TANC2: variants seen among roughly 807,000 people sequenced by gnomAD.
The protein encoded by TANC2 is tetratricopeptide repeat, ankyrin repeat and coiled-coil containing 2, also known as protein TANC2.
Under a neutral mutation model 210.5 loss-of-function variants are expected in TANC2, and 26 were observed. That is an observed-to-expected ratio of 0.12 (90% CI 0.09 to 0.17). TANC2 has a LOEUF of 0.17. TANC2 is among the 10% of genes least tolerant of loss of function. The pLI is 1.00. For synonymous variants in TANC2, 931 were observed against 967.1 expected (o/e 0.96, Z 0.69); for missense variants, 2,129 against 2,608.9 (o/e 0.82, Z 4.01).
rs189389781 is a variant in TANC2, at chr17:63,176,527, C to T, written c.434-17464C>T. Among the ~76,000 whole-genome samples, 82 of 152,172 alleles carry T rather than the reference C, an allele frequency of 5.4e-4. 1 individual carries two copies. Among genetic ancestry groups the T allele is most frequent in the Admixed American group, 3.9e-3 (60 of 15,288 alleles). The stretch of plus-strand genomic sequence containing the variant: ...GAAACTAAAATAACAGAAAAAAGGC[C>T]GGTTGCGGTGGCTTACGCCTGTAAT... On this transcript the variant is annotated intron_variant, in intron 5 of 27. Coordinates refer to ENST00000689528, the Ensembl canonical transcript of TANC2.
chr17:63,037,682 C>T (rs1199088589), intron 2 of TANC2, among the ~76,000 whole-genome samples: 4 of 151,960 alleles, frequency 2.6e-5, no homozygotes, highest in Admixed American at 6.6e-5. Context: ...GGCATGCTGG[C>T]GGGCACCTGT....
chr17:63,016,082 T>C (rs949967720), intron 2 of TANC2, among the ~76,000 whole-genome samples: 18 of 152,024 alleles, frequency 1.2e-4, no homozygotes, highest in African/African-American at 4.4e-4. Flanking sequence ...AGGCAGGAGA[T>C]AGAGAAACAA....
chr17:63,212,512 G>A (rs985252002), intron 7 of TANC2, among the ~76,000 whole-genome samples: 11 of 152,136 alleles, frequency 7.2e-5, no homozygotes, highest in African/African-American at 2.4e-4. Flanking sequence ...TTTGGTTTGT[G>A]CAAATAATAC....
At chr17:63,359,418 A>G (rs1598937544) in intron 14 of TANC2, among the ~76,000 whole-genome samples, 1 of 150,644 alleles carries the variant, frequency 6.6e-6, no homozygotes, top group African/African-American at 2.4e-5. Context: ...ATTTCACATC[A>G]CTGCAACCTC....
intron 4 of TANC2, among the ~76,000 whole-genome samples, chr17:63,123,558 C>CAA (rs560638545): frequency 0.19 from 18,894 of 99,640 alleles, 1,551 homozygotes; most frequent in Middle Eastern, 0.35. Flanking sequence ...GATTCTGTCT[C>CAA]AAAAAAAAAA....
chr17:63,009,221 A>G (rs780080203), intron 1 of TANC2, among the ~76,000 whole-genome samples: 3 of 151,626 alleles, frequency 2.0e-5, no homozygotes, highest in Non-Finnish European at 4.4e-5. Context: ...ATTAATTTTA[A>G]ATTCTTAGTA....
intron 14 of TANC2, among the ~76,000 whole-genome samples, chr17:63,377,678 C>T (rs564519346): frequency 7.9e-5 from 12 of 152,326 alleles, no homozygotes; most frequent in Admixed American, 1.3e-4. Context: ...CCAACCTCTG[C>T]CTGTTACCCA....
chr17:63,400,202 G>A (rs986900888), intron 19 of TANC2, among the ~76,000 whole-genome samples: 4 of 152,350 alleles, frequency 2.6e-5, no homozygotes, highest in Admixed American at 6.5e-5. Context: ...AGGGCATGGC[G>A]GTGTAACCAC....
chr17:63,273,942 T>C (rs1459920361), intron 9 of TANC2, among the ~76,000 whole-genome samples: 1 of 152,230 alleles, frequency 6.6e-6, no homozygotes, highest in Non-Finnish European at 1.5e-5. Flanking sequence ...ACCACTAGTT[T>C]AGAGGATGTC....
At chr17:63,380,894 G>T (rs1005511139) in intron 15 of TANC2, among the ~76,000 whole-genome samples, 1 of 152,166 alleles carries the variant, frequency 6.6e-6, no homozygotes, top group African/African-American at 2.4e-5. Context: ...ACAAATCACT[G>T]TACCAAAAAT....
chr17:63,186,755 T>A (rs1332840238), intron 5 of TANC2, among the ~76,000 whole-genome samples: 1 of 152,232 alleles, frequency 6.6e-6, no homozygotes, highest in African/African-American at 2.4e-5. Flanking sequence ...ACCAGATTTC[T>A]GGGAGCGTAG....
intron 14 of TANC2, among the ~76,000 whole-genome samples, chr17:63,377,200 C>T (rs953053555): frequency 9.2e-5 from 14 of 152,236 alleles, no homozygotes; most frequent in African/African-American, 2.4e-4. Context: ...AAACCTTCAA[C>T]GTGCCCTGGA....
chr17:63,359,693 G>A (rs1052933498), intron 14 of TANC2, among the ~76,000 whole-genome samples: 2 of 152,150 alleles, frequency 1.3e-5, no homozygotes, highest in African/African-American at 2.4e-5. Flanking sequence ...CAAGAAGCTT[G>A]TTGTGAACTT....
chr17:63,237,377 C>G (rs549840490), intron 7 of TANC2, among the ~76,000 whole-genome samples: 1 of 152,030 alleles, frequency 6.6e-6, no homozygotes, highest in Admixed American at 6.6e-5. Flanking sequence ...TTAGTCCTGT[C>G]AGATGTATAG....
chr17:62,973,337 A>G (rs1293116023), intron 1 of TANC2, among the ~76,000 whole-genome samples: 3 of 152,312 alleles, frequency 2.0e-5, no homozygotes, highest in African/African-American at 7.2e-5. Flanking sequence ...CGGCCGTAAC[A>G]TATTTTAAAT....
Position 63,420,549 on chromosome 17 carries a change from G to A in TANC2, c.4819G>A (p.Gly1607Arg). 1 of 1,613,920 alleles carries A rather than the reference G, an allele frequency of 6.2e-7. No individual in the cohort carries two copies. ...CCGTTTCAGCCCCCCTCCTGTGGGA[G>A]GACAGGGCAAAGAATACCCAAGCCC... The change falls in exon 28 of 28, where the codon GGA becomes AGA. Residue 1607 changes from glycine (G) to arginine (R), a missense_variant. Physicochemically the swap from Gly to Arg is moderately radical, Grantham distance 125 (BLOSUM62 -2). Coordinates refer to ENST00000689528, the Ensembl canonical transcript of TANC2. This position sits in a 1 kb window ranked among gnomAD's most constrained non-coding sequence, Gnocchi z 4.2.
intron 4 of TANC2, among the ~76,000 whole-genome samples, chr17:63,123,859 G>T (rs1012841507): frequency 1.3e-5 from 2 of 150,996 alleles, no homozygotes; most frequent in Admixed American, 1.3e-4. Flanking sequence ...CTGCCACCAC[G>T]CCCAGCTGAT....
rs747393102 is a variant in TANC2 at position 63,421,372 on chromosome 17, C to T, written c.5642C>T (p.Pro1881Leu). ...ATCTCCTCCACCTCCAACCTAACTC[C>T]GACCTTCCGGCCATCTTCTTCCATC... Residue 1881 changes from proline (P) to leucine (L), a missense_variant, in exon 28 of 28, where the codon CCG (proline) becomes CTG (leucine). Pro to Leu is a moderately conservative substitution (Grantham distance 98). Around this residue, in one of 5 missense-constraint regions of TANC2, gnomAD observed 584 missense variants for 627.3 expected, o/e 0.93. Transcript: ENST00000689528. The surrounding 1 kb of genome is among the most constrained non-coding windows in gnomAD (Gnocchi z 6.9). The T allele has an allele frequency of 1.2e-5, 19 of 1,613,880 alleles. No individual in the cohort carries two copies. Among genetic ancestry groups the T allele is most frequent in the Non-Finnish European group, 7.6e-6 (9 of 1,179,874 alleles).
chr17:63,286,238 T>G (rs898739339), intron 9 of TANC2, among the ~76,000 whole-genome samples: 5 of 152,242 alleles, frequency 3.3e-5, no homozygotes, highest in African/African-American at 1.2e-4. Context: ...ATCTGCTGTC[T>G]TTCCTTCTGC....
Sources: gnomAD v4.1 joint callset for allele counts (sites outside exome capture counted in the v4.1 genomes callset) on GRCh38, gnomAD v4.1.1 for gene constraint, gnomAD v4.1.1 regional missense constraint, Gnocchi (gnomAD v3.1) non-coding constraint, MANE v1.5 for transcripts, NCBI Gene and HGNC (gene_info 2026-07-23, HGNC 2026-07-21) for gene names.